Variants in CORO1C observed in about 807,000 individuals in gnomAD.
CORO1C encodes the protein coronin 1C, also known as coronin-1C.
A neutral mutation model predicts 51.2 loss-of-function variants in CORO1C; 14 were observed. The ratio of observed to expected loss-of-function variants is 0.27; its 90% CI spans 0.18 to 0.43. CORO1C has a LOEUF of 0.43. Ranked by LOEUF, CORO1C falls within the 20% of genes least tolerant of loss-of-function variation. The pLI is 1.00. For missense variants in CORO1C, 417 were observed against 607.8 expected, an observed-to-expected ratio of 0.69 and a Z score of 3.30; for synonymous variants, 181 against 210.5, an observed-to-expected ratio of 0.86 and a Z score of 1.21.
chr12:108,677,912 G>A lies in CORO1C; in HGVS notation c.318+360C>T, dbSNP rs527411252. On this transcript the variant is annotated intron_variant, in intron 3 of 10. Coordinates refer to ENST00000261401, the MANE Select transcript of CORO1C (RefSeq NM_014325.4). Reference sequence around the variant, plus strand: ...CAGATGCCTGTAATCCCAATTACTCGGGAGGCTGAGGCAGGAGAATCACTT... The same window carrying A: ...CAGATGCCTGTAATCCCAATTACTCAGGAGGCTGAGGCAGGAGAATCACTT... Among the ~76,000 whole-genome samples, 3 of 151,984 alleles carry A rather than the reference G, an allele frequency of 2.0e-5. No homozygotes were observed. In the South Asian group the frequency reaches 6.2e-4, roughly 32 times the overall value.
chr12:108,671,693 C>A (rs781001674), intron 3 of CORO1C, among the ~76,000 whole-genome samples: 1 of 152,084 alleles, frequency 6.6e-6, no homozygotes, highest in Non-Finnish European at 1.5e-5. Context: ...GACAGCAACA[C>A]CTATGCCAAA....
intron 8 of CORO1C, among the ~76,000 whole-genome samples, chr12:108,650,357 T>A (rs1592840556): frequency 6.6e-6 from 1 of 151,912 alleles, no homozygotes; most frequent in Non-Finnish European, 1.5e-5. Context: ...TTTTTTAATG[T>A]TTTGTAGAGA....
At chr12:108,687,208 T>A (rs1429700699) in intron 2 of CORO1C, among the ~76,000 whole-genome samples, 1 of 152,196 alleles carries the variant, frequency 6.6e-6, no homozygotes, top group Non-Finnish European at 1.5e-5. Context: ...AATATAACTT[T>A]ATCAAATTGC....
intron 1 of CORO1C, chr12:108,702,979 T>C (rs868684149): frequency 2.0e-6 from 3 of 1,499,578 alleles, no homozygotes; most frequent in Admixed American, 2.1e-5. Flanking sequence ...AGATGGCAAA[T>C]GATTCGTGGC....
Position 108,648,563 on chromosome 12 carries a change from G to A in CORO1C, c.1305+42C>T, listed in dbSNP as rs1299879690. On this transcript the variant is annotated intron_variant, in intron 10 of 10. Transcript: ENST00000261401. ...CCACAAGGGCTTTCTAGAGGATAAA[G>A]CCTGAACCAGCCAAGCACCCCTGCA... The A allele has an allele frequency of 3.7e-6, 6 of 1,612,176 alleles. No individual in the cohort carries two copies. In the South Asian group the frequency reaches 5.5e-5, roughly 15 times the overall value.
At position 108,678,385 on chromosome 12, in the gene CORO1C, T is replaced by C. The variant is rs768976029; in HGVS notation, c.205A>G (p.Ile69Val). Residue 69 changes from isoleucine to valine, a missense_variant, in exon 3 of 11, where the codon ATT becomes GTT. Coordinates refer to ENST00000261401, the MANE Select transcript of CORO1C (RefSeq NM_014325.4). ...CATACTGTAGGGTAAGATTTGTCAA[T>C]TCGACCAGTCTGAAAGAAGAGAGAA... ...LVLPLHKTGR[I>V]DKSYPTVCGH... 1 of 1,589,800 alleles carries C rather than the reference T, an allele frequency of 6.3e-7. No individual in the cohort carries two copies. Among genetic ancestry groups the C allele is most frequent in the Admixed American group, 1.8e-5 (1 of 56,396 alleles).
At chr12:108,655,662 G>A (rs887040303) in intron 6 of CORO1C, among the ~76,000 whole-genome samples, 20 of 152,188 alleles carry the variant, frequency 1.3e-4, no homozygotes, top group African/African-American at 3.6e-4. Flanking sequence ...GATTGCAAAC[G>A]GAGTCTCGTT....
intron 6 of CORO1C, 145 bp downstream of exon 6, chr12:108,657,159 T>G (rs1175195836): frequency 9.2e-7 from 1 of 1,082,258 alleles, no homozygotes; most frequent in Non-Finnish European, 1.3e-6. Flanking sequence ...CCAACGAGGA[T>G]AAGAACTTCA....
chr12:108,674,121 G>A (rs151010482), intron 3 of CORO1C, among the ~76,000 whole-genome samples: 11 of 152,126 alleles, frequency 7.2e-5, no homozygotes, highest in East Asian at 1.9e-4. Context: ...GGAGATTAAC[G>A]TTGTTTTCAC....
intron 1 of CORO1C, among the ~76,000 whole-genome samples, chr12:108,712,874 A>G (rs1301844937): frequency 2.0e-5 from 3 of 147,738 alleles, no homozygotes; most frequent in African/African-American, 7.5e-5. Flanking sequence ...GCAGTATGCT[A>G]TGATCATGCC....
intron 1 of CORO1C, among the ~76,000 whole-genome samples, chr12:108,717,347 G>A (rs2035363933): frequency 6.6e-6 from 1 of 152,260 alleles, no homozygotes; most frequent in Non-Finnish European, 1.5e-5. Context: ...TCTAGGCCAT[G>A]TTAAGGATTT....
chr12:108,648,365 T>C (rs1378400354), intron 10 of CORO1C, among the ~76,000 whole-genome samples: 1 of 152,124 alleles, frequency 6.6e-6, no homozygotes, highest in Non-Finnish European at 1.5e-5. Context: ...ATCATGGTGG[T>C]CTGTGGCCAC....
At chr12:108,654,260 T>C (rs201562140) in intron 7 of CORO1C, 46 bp downstream of exon 7, 7 of 1,204,480 alleles carry the variant, frequency 5.8e-6, no homozygotes, top group Non-Finnish European at 8.6e-6. Flanking sequence ...AGGATAAATG[T>C]TTCCACTTAC....
chr12:108,687,645 C>T (rs2034343925), intron 2 of CORO1C, among the ~76,000 whole-genome samples: 1 of 151,126 alleles, frequency 6.6e-6, no homozygotes, highest in East Asian at 2.0e-4. Context: ...ATTAGCTGCG[C>T]TTGATGGTGT....
At chr12:108,668,579 T>C (rs913524559) in intron 3 of CORO1C, 55 of 152,348 alleles carry the variant, frequency 3.6e-4, no homozygotes, top group African/African-American at 1.2e-3. Flanking sequence ...AGGGTATTTT[T>C]GTTGATTTCT....
At chr12:108,655,351 T>G (rs1245917983) in intron 6 of CORO1C, among the ~76,000 whole-genome samples, 2 of 147,520 alleles carry the variant, frequency 1.4e-5, no homozygotes, top group African/African-American at 2.5e-5. Context: ...GTCCCCTCCC[T>G]CTCCCCTTCC....
intron 1 of CORO1C, among the ~76,000 whole-genome samples, chr12:108,704,137 A>G (rs979337103): frequency 6.6e-6 from 1 of 152,222 alleles, no homozygotes; most frequent in Non-Finnish European, 1.5e-5. Context: ...CTTCATTGAA[A>G]GATACTATAC....
chr12:108,662,997 T>C (rs1396339908), intron 3 of CORO1C, among the ~76,000 whole-genome samples: 1 of 152,058 alleles, frequency 6.6e-6, no homozygotes, highest in Admixed American at 6.5e-5. Context: ...AATAACCCAA[T>C]TGAAAAATAG....
At chr12:108,728,223 C>T (rs896073068) in intron 1 of CORO1C, among the ~76,000 whole-genome samples, 5 of 151,822 alleles carry the variant, frequency 3.3e-5, no homozygotes, top group Non-Finnish European at 5.9e-5. Flanking sequence ...GAAATGAAAA[C>T]GTATGTTCAC....
Sources: allele counts gnomAD v4.1 joint callset (sites outside exome capture counted in the v4.1 genomes callset), GRCh38; gene constraint gnomAD v4.1.1; transcripts MANE v1.5; gene names NCBI Gene and HGNC (gene_info 2026-07-23, HGNC 2026-07-21).